The following SLC4A4 variants were observed in gnomAD, a reference collection of about 807,000 sequenced individuals.
The protein encoded by SLC4A4 is solute carrier family 4 member 4.
A neutral mutation model predicts 111.5 loss-of-function variants in SLC4A4; 27 were observed. The observed-to-expected ratio is 0.24, with a 90% CI of 0.18 to 0.33. SLC4A4 has a LOEUF of 0.33. Among genes scored for constraint, SLC4A4 ranks in the 10% least tolerant of loss-of-function variants. The pLI is 1.00. For synonymous variants in SLC4A4, 443 were observed against 463.4 expected (o/e 0.96, Z 0.57); for missense variants, 909 against 1,315.5 (o/e 0.69, Z 4.78).
chr4:71,361,717 G>A (rs561099650), intron 6 of SLC4A4, among the ~76,000 whole-genome samples: 28 of 152,274 alleles, frequency 1.8e-4, no homozygotes, highest in African/African-American at 6.5e-4. Context: ...AATTTGGTCT[G>A]AGATACTTAG....
At chr4:71,243,512 A>C (rs1578661231) in intron 2 of SLC4A4, among the ~76,000 whole-genome samples, 1 of 152,000 alleles carries the variant, frequency 6.6e-6, no homozygotes, top group Non-Finnish European at 1.5e-5. Context: ...CTTGCTGGTG[A>C]GATTTTATTT....
chr4:71,241,578 G>GA (rs1177052087), intron 2 of SLC4A4, among the ~76,000 whole-genome samples: 1 of 152,078 alleles, frequency 6.6e-6, no homozygotes, highest in Non-Finnish European at 1.5e-5. Flanking sequence ...AGGAGTGAAT[G>GA]AAAACCTATC....
At chr4:71,111,681 C>T (rs1018375511) in intron 2 of SLC4A4, among the ~76,000 whole-genome samples, 81 of 148,864 alleles carry the variant, frequency 5.4e-4, no homozygotes, top group African/African-American at 1.9e-3. Context: ...GCCACTGTGC[C>T]TGGCCGCTAA....
intron 3 of SLC4A4, among the ~76,000 whole-genome samples, chr4:71,302,952 T>G (rs1209852720): frequency 6.6e-6 from 1 of 152,232 alleles, no homozygotes; most frequent in African/African-American, 2.4e-5. Flanking sequence ...CTTAGACTTT[T>G]TCACTTTTTG....
chr4:71,236,251 G>C, intron 1 of SLC4A4: 3 of 287,002 alleles, frequency 1.0e-5, no homozygotes, highest in Non-Finnish European at 1.4e-5. Context: ...TTTTTTTTTT[G>C]CTTTCATCCT....
At chr4:71,511,262 CT>C (rs1266638459) in intron 16 of SLC4A4, among the ~76,000 whole-genome samples, 1 of 152,024 alleles carries the variant, frequency 6.6e-6, no homozygotes, top group Non-Finnish European at 1.5e-5. Flanking sequence ...TTCTTTTACC[CT>C]GAAGAATTCT....
intron 6 of SLC4A4, among the ~76,000 whole-genome samples, chr4:71,379,466 A>G (rs1182289043): frequency 6.6e-6 from 1 of 152,028 alleles, no homozygotes; most frequent in African/African-American, 2.4e-5. Flanking sequence ...TAAAGCTCTT[A>G]TGTCCCGCAG....
intron 5 of SLC4A4, among the ~76,000 whole-genome samples, 154 bp from the exon 6 acceptor site, chr4:71,356,854 G>A (rs977165142): frequency 6.6e-6 from 1 of 152,104 alleles, no homozygotes; most frequent in Non-Finnish European, 1.5e-5. Flanking sequence ...TGTGTACCCT[G>A]TGTCTTTATC....
At chr4:71,510,012 AG>A (rs1228119022) in intron 16 of SLC4A4, among the ~76,000 whole-genome samples, 1 of 152,092 alleles carries the variant, frequency 6.6e-6, no homozygotes, top group Non-Finnish European at 1.5e-5. Flanking sequence ...CTTAGTTTGC[AG>A]GGTAGAGTAT....
chr4:71,570,191 C>CCTCT lies in SLC4A4; in HGVS notation c.*2443_*2446dup, dbSNP rs1737835869. 1.4e-5 allele frequency: 2 copies of CCTCT among 147,686 alleles called. No homozygotes were observed. The highest frequency in any genetic ancestry group is 3.0e-5 in the Non-Finnish European group (2 of 66,038). 9.1% of individuals were successfully genotyped at this position (147,686 alleles called of 1,614,324 possible). ...AATCAAGTATCTGTGGTTTCATGCC[C>CCTCT]CTCTCTATACCTTTCAAAGAACTCC... is the stretch of plus-strand genomic sequence containing the variant. On this transcript the variant is annotated 3_prime_UTR_variant, in exon 26 of 26. Transcript: ENST00000264485.
chr4:71,082,114 C>T (rs1178178617), intron 1 of SLC4A4, among the ~76,000 whole-genome samples: 1 of 151,994 alleles, frequency 6.6e-6, no homozygotes, highest in African/African-American at 2.4e-5. Context: ...ATATGTTAAA[C>T]CTATTTTGGG....
At chr4:71,371,714 C>T (rs16846305) in intron 6 of SLC4A4, among the ~76,000 whole-genome samples, 4,657 of 152,162 alleles carry the variant, frequency 0.031, 165 homozygotes, top group South Asian at 0.13. Context: ...TATTGTCTTA[C>T]GTTGTTCTCT....
chr4:71,296,113 T>C lies in SLC4A4; in HGVS notation c.253+40714T>C, dbSNP rs577833810. Among the ~76,000 whole-genome samples, 136 of 152,316 alleles carry C rather than the reference T, an allele frequency of 8.9e-4. 1 individual carries two copies. Among genetic ancestry groups the C allele is most frequent in the African/African-American group, 3.0e-3 (125 of 41,564 alleles). The stretch of plus-strand genomic sequence containing the variant: ...TGAACCAACTCTTTTTAACCTGTTT[T>C]TTTTTTCATTTTCTTTCTTTTTATA... On this transcript the variant is annotated intron_variant, in intron 3 of 25. Transcript: ENST00000264485.
intron 1 of SLC4A4, among the ~76,000 whole-genome samples, chr4:71,199,318 A>T (rs1746146794): frequency 6.6e-6 from 1 of 152,186 alleles, no homozygotes; most frequent in Admixed American, 6.5e-5. Context: ...TCCTTATACA[A>T]TTTCTATGAA....
intron 18 of SLC4A4, among the ~76,000 whole-genome samples, chr4:71,538,192 TCTC>T (rs1005996559): frequency 1.3e-5 from 2 of 152,090 alleles, no homozygotes; most frequent in African/African-American, 2.4e-5. Context: ...GGTAAATAAA[TCTC>T]CTACTAATTT....
At chr4:71,094,277 A>G (rs542369166) in intron 2 of SLC4A4, among the ~76,000 whole-genome samples, 64 of 152,310 alleles carry the variant, frequency 4.2e-4, no homozygotes, top group African/African-American at 1.5e-3. Flanking sequence ...CAAATCACCT[A>G]TGGCTCACAT....
intron 11 of SLC4A4, among the ~76,000 whole-genome samples, chr4:71,451,534 TGTG>T (rs1725759915): frequency 6.6e-6 from 1 of 152,088 alleles, no homozygotes; most frequent in Non-Finnish European, 1.5e-5. Flanking sequence ...AATAAGTAAA[TGTG>T]GTGATGGTTT....
At chr4:71,471,696 G>A (rs931593655) in intron 13 of SLC4A4, among the ~76,000 whole-genome samples, 2 of 151,806 alleles carry the variant, frequency 1.3e-5, no homozygotes, top group African/African-American at 4.8e-5. Context: ...ATTTTAAAGG[G>A]ATCAGTATAA....
intron 2 of SLC4A4, among the ~76,000 whole-genome samples, chr4:71,168,916 G>A (rs770375954): frequency 3.3e-5 from 5 of 152,094 alleles, no homozygotes; most frequent in Non-Finnish European, 5.9e-5. Flanking sequence ...AATAAACATG[G>A]GCATGCAGAT....
Sources: allele counts gnomAD v4.1 joint callset (sites outside exome capture counted in the v4.1 genomes callset), GRCh38; gene constraint gnomAD v4.1.1; transcripts MANE v1.5; gene names NCBI Gene and HGNC (gene_info 2026-07-23, HGNC 2026-07-21).